ARID5B: variants seen among roughly 807,000 people sequenced by gnomAD.
The protein encoded by ARID5B is AT-rich interaction domain 5B.
A neutral mutation model predicts 97.2 loss-of-function variants in ARID5B; 13 were observed. The observed-to-expected ratio is 0.13, with a 90% CI of 0.09 to 0.21. The LOEUF is 0.21. Among genes scored for constraint, ARID5B ranks in the 10% least tolerant of loss-of-function variants. The probability of loss-of-function intolerance (pLI) is 1.00; values close to 1 mark genes in which losing one functional copy is unlikely to be tolerated. For synonymous variants in ARID5B, 556 were observed against 570.3 expected, an observed-to-expected ratio of 0.97 and a Z score of 0.36; for missense variants, 1,210 against 1,465.3, an observed-to-expected ratio of 0.83 and a Z score of 2.84.
In ARID5B at chr10:61,940,264, TGGAGATG is replaced by T; in HGVS notation, c.359_365del (p.Trp120LeufsTer8). 6.2e-7 allele frequency: 1 copy of T among 1,614,146 alleles called. No individual in the cohort carries two copies. ...GTGGGTACATTCTGATTTCTCCAAGTGGAGATGTGGCTTCCACGCTGGACCAGTGAAA... is the reference window on the plus strand; with the variant it reads ...GTGGGTACATTCTGATTTCTCCAAGTTGGCTTCCACGCTGGACCAGTGAAA... On this transcript the variant is annotated frameshift_variant, in exon 3 of 10. Transcript: ENST00000279873. LOFTEE classifies it high-confidence loss of function.
Position 61,928,554 on chromosome 10 carries a change from A to T in ARID5B, c.277-11629A>T, listed in dbSNP as rs560406143. ...GCAATCCACCCACCTTGGCCTCCCA[A>T]AGTGCTGGGATTACAGGCATGAGCC... On this transcript the variant is annotated intron_variant, in intron 2 of 9. Coordinates refer to ENST00000279873, the MANE Select transcript of ARID5B (RefSeq NM_032199.3). 2.0e-5 allele frequency among the ~76,000 whole-genome samples: 3 copies of T among 152,236 alleles called. No individual in the cohort carries two copies. The East Asian group carries it at 5.8e-4, about 29-fold the overall frequency.
chr10:62,004,510 T>C (rs1160333313), intron 4 of ARID5B, among the ~76,000 whole-genome samples: 1 of 152,232 alleles, frequency 6.6e-6, no homozygotes, highest in African/African-American at 2.4e-5. Flanking sequence ...GGCAATTTTT[T>C]CTTCATAAGA....
intron 5 of ARID5B, 104 bp from the exon 6 acceptor site, chr10:62,057,013 C>G: frequency 9.4e-7 from 1 of 1,066,788 alleles, no homozygotes; most frequent in East Asian, 2.6e-5. Context: ...CCGGTTCACC[C>G]TTAGCACTCA....
chr10:61,942,653 G>A (rs1844430842), intron 3 of ARID5B, among the ~76,000 whole-genome samples: 2 of 152,116 alleles, frequency 1.3e-5, no homozygotes, highest in Non-Finnish European at 2.9e-5. Context: ...TTAGTCACGT[G>A]TGGTGGCAGG....
intron 3 of ARID5B, among the ~76,000 whole-genome samples, chr10:61,959,048 C>T (rs1023374194): frequency 6.6e-6 from 1 of 152,208 alleles, no homozygotes. Flanking sequence ...TTTATCCTCT[C>T]ATTCACTATC....
intron 3 of ARID5B, among the ~76,000 whole-genome samples, chr10:61,978,472 T>C (rs942976249): frequency 1.3e-5 from 2 of 152,226 alleles, no homozygotes; most frequent in African/African-American, 4.8e-5. Flanking sequence ...TTTCACGATA[T>C]TGATTCTTCC....
intron 3 of ARID5B, among the ~76,000 whole-genome samples, chr10:61,983,855 C>A (rs1389604126): frequency 1.4e-5 from 2 of 140,472 alleles, no homozygotes; most frequent in Admixed American, 1.5e-4. Flanking sequence ...ATTTTTTAAA[C>A]CCCCTTTTGT....
intron 4 of ARID5B, among the ~76,000 whole-genome samples, chr10:62,034,621 A>T (rs558343302): frequency 6.6e-6 from 1 of 152,362 alleles, no homozygotes; most frequent in East Asian, 1.9e-4. Flanking sequence ...CCCGCTGAAC[A>T]ATTTCCTACC....
At chr10:61,936,132 T>C (rs1844295565) in intron 2 of ARID5B, among the ~76,000 whole-genome samples, 1 of 152,244 alleles carries the variant, frequency 6.6e-6, no homozygotes, top group East Asian at 1.9e-4. Flanking sequence ...CCAAATTTTA[T>C]TTTCATAGCA....
intron 2 of ARID5B, among the ~76,000 whole-genome samples, chr10:61,919,156 T>A (rs1240636866): frequency 6.6e-6 from 1 of 151,060 alleles, no homozygotes; most frequent in Non-Finnish European, 1.5e-5. Flanking sequence ...GCTTCCCAGA[T>A]GTTTGATCTA....
chr10:62,069,479 A>G (rs1462640013), intron 7 of ARID5B, among the ~76,000 whole-genome samples: 1 of 152,250 alleles, frequency 6.6e-6, no homozygotes, highest in Admixed American at 6.5e-5. Flanking sequence ...GGATGACAAA[A>G]TACACATCCA....
chr10:61,991,737 A>G (rs1375756314), intron 3 of ARID5B, among the ~76,000 whole-genome samples: 1 of 152,194 alleles, frequency 6.6e-6, no homozygotes, highest in African/African-American at 2.4e-5. Context: ...TGGTTAAAAA[A>G]TCATTGTGGA....
chr10:62,085,479 C>CA (rs1401755442), intron 8 of ARID5B, among the ~76,000 whole-genome samples: 4 of 152,014 alleles, frequency 2.6e-5, no homozygotes, highest in Non-Finnish European at 5.9e-5. Flanking sequence ...CCCACAAAAC[C>CA]AAAAAGAGGT....
intron 2 of ARID5B, among the ~76,000 whole-genome samples, chr10:61,929,967 T>C (rs531909687): frequency 1.8e-4 from 28 of 152,380 alleles, no homozygotes; most frequent in African/African-American, 6.5e-4. Flanking sequence ...GGCTGTGCAG[T>C]TCCGCTGAGC....
intron 3 of ARID5B, among the ~76,000 whole-genome samples, chr10:61,949,808 G>T (rs1052928660): frequency 1.3e-5 from 2 of 152,168 alleles, no homozygotes; most frequent in African/African-American, 4.8e-5. Flanking sequence ...TTCATTTATG[G>T]TCCTATTCCT....
chr10:61,949,649 C>CA (rs1392147968), intron 3 of ARID5B, among the ~76,000 whole-genome samples: 1 of 152,110 alleles, frequency 6.6e-6, no homozygotes, highest in East Asian at 1.9e-4. Context: ...ACCACCCCCC[C>CA]ACGCCCCCAC....
At position 61,998,280 on chromosome 10, in the gene ARID5B, G is replaced by T. The variant is rs868233555; in HGVS notation, c.503-1811G>T. 8.5e-5 allele frequency among the ~76,000 whole-genome samples: 13 copies of T among 152,330 alleles called. 1 individual carries two copies. The South Asian group carries it at 1.7e-3, about 19-fold the overall frequency. On this transcript the variant is annotated intron_variant, in intron 3 of 9. Coordinates refer to ENST00000279873, the MANE Select transcript of ARID5B (RefSeq NM_032199.3). ...CGTCCTTGCTCATTCGTCTCCCACT[G>T]GTTACCAGATGGCCATGATAATGTC...
At chr10:62,028,339 C>G (rs944739795) in intron 4 of ARID5B, among the ~76,000 whole-genome samples, 6 of 152,140 alleles carry the variant, frequency 3.9e-5, no homozygotes, top group African/African-American at 1.4e-4. Context: ...ATTGAGTGAG[C>G]AATCCTGTGT....
rs144290238 is a variant in ARID5B, at chr10:61,901,713, G to A, written c.4G>A (p.Glu2Lys). 13 of 1,613,754 alleles carry A rather than the reference G, an allele frequency of 8.1e-6. No homozygotes were observed. The highest frequency in any genetic ancestry group is 1.1e-5 in the Non-Finnish European group (13 of 1,179,970). Residue 2 changes from glutamate to lysine, a missense_variant, in exon 1 of 10, where the codon GAG (glutamate) becomes AAG (lysine). Around this residue, in one of 8 missense-constraint regions of ARID5B, gnomAD observed 80 missense variants for 133.2 expected, o/e 0.60. Coordinates refer to ENST00000279873, the MANE Select transcript of ARID5B (RefSeq NM_032199.3). ...TCAATCAATTCAGAACGTCGAGATG[G>A]AGCCCAACTCACTCCAGGTATTTCG... M[E>K]PNSLQWVGSP...
Sources: gnomAD v4.1 joint callset for allele counts (sites outside exome capture counted in the v4.1 genomes callset) on GRCh38, gnomAD v4.1.1 for gene constraint, gnomAD v4.1.1 regional missense constraint, MANE v1.5 for transcripts, NCBI Gene and HGNC (gene_info 2026-07-23, HGNC 2026-07-21) for gene names.